KIF22: variants seen among roughly 807,000 people sequenced by gnomAD.
The protein encoded by KIF22 is kinesin-like protein KIF22.
A neutral mutation model predicts 73.0 loss-of-function variants in KIF22; 62 were observed. That is an observed-to-expected ratio of 0.85 (90% confidence interval 0.69 to 1.05). The LOEUF (loss-of-function observed/expected upper bound fraction) is 1.05. Ranked by LOEUF, KIF22 falls within the 50% of genes least tolerant of loss-of-function variation. The pLI is 0.00. For missense variants in KIF22, 854 were observed against 870.1 expected (o/e 0.98, Z 0.23); for synonymous variants, 411 against 340.1 (o/e 1.21, Z -2.29).
rs1898980638 is a variant in KIF22, at chr16:29,797,439, G to A, written c.266+351G>A. Reference sequence around the variant, plus strand: ...CCCAAGCTGCAGCTGGGTAGTGTCAGAGAAGACCACCCAGATTTGGGGACA... The same window carrying A: ...CCCAAGCTGCAGCTGGGTAGTGTCAAAGAAGACCACCCAGATTTGGGGACA... On this transcript the variant is annotated intron_variant, in intron 2 of 13. Coordinates refer to ENST00000160827, the MANE Select transcript of KIF22 (RefSeq NM_007317.3). The surrounding 1 kb of genome is among the most constrained non-coding windows in gnomAD (Gnocchi z 4.1). Among the ~76,000 whole-genome samples the A allele has an allele frequency of 6.7e-6, 1 of 149,928 alleles. No individual in the cohort carries two copies. The highest frequency in any genetic ancestry group is 6.6e-5 in the Admixed American group (1 of 15,226).
chr16:29,803,957 T>C, intron 10 of KIF22, 41 bp from the exon 11 acceptor site: 1 of 1,508,226 alleles, frequency 6.6e-7, no homozygotes, highest in Non-Finnish European at 9.2e-7. Flanking sequence ...GGGTGAAAAG[T>C]ACCCTTTGCC....
chr16:29,804,035 C>G lies in KIF22; in HGVS notation c.1647C>G (p.His549Gln), dbSNP rs142414573. ...EQAASPNAEI[H>Q]ILKNKGRKRK... ...CAGCATCCCCAAATGCCGAGATCCACATCCTGAAGAATAAAGGCCGGAAGA... is the reference window on the plus strand; with the variant it reads ...CAGCATCCCCAAATGCCGAGATCCAGATCCTGAAGAATAAAGGCCGGAAGA... Residue 549 changes from histidine (H) to glutamine (Q), a missense_variant, in exon 11 of 14, where the codon CAC (histidine) becomes CAG (glutamine). Transcript: ENST00000160827. 40 of 1,613,946 alleles carry G rather than the reference C, an allele frequency of 2.5e-5. No homozygotes were observed. The highest frequency in any genetic ancestry group is 3.4e-5 in the Non-Finnish European group (40 of 1,179,862).
Position 29,802,823 on chromosome 16 carries a change from C to G in KIF22, c.1335C>G (p.Ser445Arg). ...CGGCCATGCTGGAGCGCCTCCTCAG[C>G]TTGGACCGTCTGCTTGCCTCCCAGG... ...MDPAMLERLL[S>R]LDRLLASQGS... Residue 445 changes from serine to arginine, a missense_variant, in exon 9 of 14, where the codon AGC becomes AGG. Physicochemically the swap from Ser to Arg is moderately radical, Grantham distance 110. Around this residue, in one of 3 missense-constraint regions of KIF22, gnomAD observed 423 missense variants for 365.4 expected, o/e 1.16. Transcript: ENST00000160827. The G allele has an allele frequency of 6.2e-7, 1 of 1,610,816 alleles. No individual in the cohort carries two copies. Among genetic ancestry groups the G allele is most frequent in the Non-Finnish European group, 8.5e-7 (1 of 1,178,858 alleles).
chr16:29,801,118 C>A (rs1899121675), intron 8 of KIF22, among the ~76,000 whole-genome samples: 1 of 152,132 alleles, frequency 6.6e-6, no homozygotes. Context: ...CAGCTGCTGT[C>A]CTAACTGCGT....
At chr16:29,805,060 C>CGGGGGA in intron 12 of KIF22, 34 bp downstream of exon 12, 1 of 848,296 alleles carries the variant, frequency 1.2e-6, no homozygotes, top group Non-Finnish European at 1.8e-6. Flanking sequence ...AGGGCGGGGG[C>CGGGGGA]GGGGGAGACC....
Position 29,797,016 on chromosome 16 carries a change from G to C in KIF22, c.194G>C (p.Cys65Ser). 2 of 1,613,842 alleles carry C rather than the reference G, an allele frequency of 1.2e-6. No homozygotes were observed. The highest frequency in any genetic ancestry group is 1.7e-4 in the Middle Eastern group (1 of 6,060). Residue 65 changes from cysteine (C) to serine (S), a missense_variant, in exon 2 of 14, where the codon TGT becomes TCT. Coordinates refer to ENST00000160827, the MANE Select transcript of KIF22 (RefSeq NM_007317.3). The surrounding 1 kb of genome is among the most constrained non-coding windows in gnomAD (Gnocchi z 4.1). ...ACAGCGGGAGCAAGTGATCCCCCCT[G>C]TGTGCGGGGCATGGACAGCTGCTCT... is the stretch of plus-strand genomic sequence containing the variant. Reference protein sequence around the residue: ...DGTAGASDPPCVRGMDSCSLE... With the variant: ...DGTAGASDPPSVRGMDSCSLE...
intron 1 of KIF22, among the ~76,000 whole-genome samples, chr16:29,794,106 ATTAC>A (rs1386245896): frequency 6.6e-6 from 1 of 152,204 alleles, no homozygotes; most frequent in African/African-American, 2.4e-5. Context: ...TATGTACATT[ATTAC>A]TTTGAATCCT....
Position 29,803,433 on chromosome 16 carries a change from T to C in KIF22, c.1450-16T>C, listed in dbSNP as rs199923707. ...GAGTTGGGTCTGGATCACATCTCCC[T>C]GATCCTTTCCAACAGAGGCTTAAGA... On this transcript the variant is annotated splice_polypyrimidine_tract_variant and intron_variant, in intron 9 of 13. Coordinates refer to ENST00000160827, the MANE Select transcript of KIF22 (RefSeq NM_007317.3). 1,439 of 1,613,712 alleles carry C rather than the reference T, an allele frequency of 8.9e-4. 4 individuals carry two copies. The highest frequency in any genetic ancestry group is 1.2e-3 in the Non-Finnish European group (1,371 of 1,179,860).
intron 1 of KIF22, among the ~76,000 whole-genome samples, chr16:29,796,629 C>T (rs1029763082): frequency 2.0e-5 from 3 of 151,816 alleles, no homozygotes; most frequent in African/African-American, 7.3e-5. Context: ...CCCAGGGAGA[C>T]GGAGACCAAA....
rs1899048583 is a variant in KIF22, at chr16:29,799,368, C to G, written c.864C>G (p.Gly288=). ...ACAACCGGCGCACAGGCAACAAGGGCCTTCGGCTAAAAGAGAGTGGAGCCA... is the reference window on the plus strand; with the variant it reads ...ACAACCGGCGCACAGGCAACAAGGGGCTTCGGCTAAAAGAGAGTGGAGCCA... ...SEDNRRTGNK[G]LRLKESGAIN... is the part of the protein sequence containing the mutation. The change falls in exon 6 of 14, where the codon GGC becomes GGG. Residue 288 remains glycine (G), a synonymous_variant. Transcript: ENST00000160827. The G allele has an allele frequency of 6.2e-7, 1 of 1,614,230 alleles. No individual in the cohort carries two copies. Among genetic ancestry groups the G allele is most frequent in the Non-Finnish European group, 8.5e-7 (1 of 1,180,050 alleles).
rs184220425 is a variant in KIF22 at position 29,793,040 on chromosome 16, G to A, written c.70+2211G>A. ...TGAACTGATGTGGGAGGTAAGAGAC[G>A]TTGGAGTTAAAGACTCCCACTTTTG... On this transcript the variant is annotated intron_variant, in intron 1 of 13. Coordinates refer to ENST00000160827, the MANE Select transcript of KIF22 (RefSeq NM_007317.3). 5.0e-3 allele frequency among the ~76,000 whole-genome samples: 765 copies of A among 152,328 alleles called. 5 individuals carry two copies. The highest frequency in any genetic ancestry group is 7.4e-3 in the Non-Finnish European group (501 of 68,032).
At position 29,803,309 on chromosome 16, in the gene KIF22, C is replaced by T. The variant is rs956647277; in HGVS notation, c.1450-140C>T. 3.2e-6 allele frequency: 3 copies of T among 944,302 alleles called. No homozygotes were observed. In the African/African-American group the frequency reaches 5.0e-5, roughly 16 times the overall value. The allele number at this position is 944,302 out of a possible 1,614,324, so 58.5% of individuals were successfully genotyped here. A position where few individuals can be genotyped will look rare whatever the true frequency, so the allele number is the denominator to read the frequency against. On this transcript the variant is annotated intron_variant, in intron 9 of 13. Transcript: ENST00000160827. ...AGCCCTTAATTATGTTAGGCTCCACCTGTCTCCTGGTAACCTCCCACTGGT... is the reference window on the plus strand; with the variant it reads ...AGCCCTTAATTATGTTAGGCTCCACTTGTCTCCTGGTAACCTCCCACTGGT...
At position 29,804,845 on chromosome 16, in the gene KIF22, A is replaced by G; in HGVS notation, c.1709A>G (p.Glu570Gly). The G allele has an allele frequency of 4.3e-6, 7 of 1,612,972 alleles. No homozygotes were observed. Among genetic ancestry groups the G allele is most frequent in the Non-Finnish European group, 5.9e-6 (7 of 1,179,628 alleles). The stretch of plus-strand genomic sequence containing the variant: ...TCCCTGGATGCCCTAGAGCCTGAGG[A>G]GAAGGCTGAGGACTGCTGGGAGCTA... ...LESLDALEPE[E>G]KAEDCWELQI... is the part of the protein sequence containing the mutation. Residue 570 changes from glutamate (E) to glycine (G), a missense_variant, in exon 12 of 14, where the codon GAG (glutamate) becomes GGG (glycine). Coordinates refer to ENST00000160827, the MANE Select transcript of KIF22 (RefSeq NM_007317.3).
chr16:29,803,661 G>A (rs1360284339), intron 10 of KIF22, 53 bp downstream of exon 10: 3 of 1,437,396 alleles, frequency 2.1e-6, no homozygotes, highest in Non-Finnish European at 2.9e-6. Flanking sequence ...TCCTATAAGG[G>A]AGGAAGTGTT....
At chr16:29,804,215 T>G (rs1307197289) in intron 11 of KIF22, 150 bp downstream of exon 11, 20 of 676,024 alleles carry the variant, frequency 3.0e-5, no homozygotes, top group Non-Finnish European at 4.6e-5. Context: ...CCCTGGAATG[T>G]GGTGATGGAT....
chr16:29,803,054 C>T lies in KIF22; in HGVS notation c.1449+117C>T, dbSNP rs561685861. 6.5e-5 allele frequency: 65 copies of T among 1,002,468 alleles called. 1 individual carries two copies. Among genetic ancestry groups the T allele is most frequent in the Admixed American group, 3.2e-4 (12 of 37,412 alleles). The allele number at this position is 1,002,468 out of a possible 1,614,324, so 62.1% of individuals were successfully genotyped here. A position where few individuals can be genotyped will look rare whatever the true frequency, so the allele number is the denominator to read the frequency against. On this transcript the variant is annotated intron_variant, in intron 9 of 13. Coordinates refer to ENST00000160827, the MANE Select transcript of KIF22 (RefSeq NM_007317.3). ...CTAGAGTCCAGTTTTCTCCCAATACCGGAAGTTCTCCAGCTTCTGCTTGAA... is the reference window on the plus strand; with the variant it reads ...CTAGAGTCCAGTTTTCTCCCAATACTGGAAGTTCTCCAGCTTCTGCTTGAA...
At chr16:29,796,164 G>C (rs892525484) in intron 1 of KIF22, among the ~76,000 whole-genome samples, 2 of 151,128 alleles carry the variant, frequency 1.3e-5, no homozygotes, top group Non-Finnish European at 2.9e-5. Context: ...CCAGCTACTC[G>C]AGAGGCTGAG....
rs753205824 is a variant in KIF22 at position 29,802,896 on chromosome 16, G to A, written c.1408G>A (p.Val470Met). The A allele has an allele frequency of 1.2e-5, 20 of 1,612,628 alleles. No homozygotes were observed. Among genetic ancestry groups the A allele is most frequent in the Non-Finnish European group, 1.6e-5 (19 of 1,179,564 alleles). The change falls in exon 9 of 14, where the codon GTG (valine) becomes ATG (methionine). Residue 470 changes from valine (V) to methionine (M), a missense_variant. Transcript: ENST00000160827. Reference sequence around the variant, plus strand: ...GAGTACCCCAAAGCGAGAGCGGATGGTGCTAATGAAGACAGTGGAAGAGAA... The same window carrying A: ...GAGTACCCCAAAGCGAGAGCGGATGATGCTAATGAAGACAGTGGAAGAGAA... Reference protein sequence around the residue: ...LLSTPKRERMVLMKTVEEKDL... With the variant: ...LLSTPKRERMMLMKTVEEKDL...
rs752878228 is a variant in KIF22, at chr16:29,805,011, C to A, written c.1875C>A (p.His625Gln). 1 of 1,603,782 alleles carries A rather than the reference C, an allele frequency of 6.2e-7. No individual in the cohort carries two copies. The part of the protein sequence containing the change: ...AQLIVGWREL[H>Q]GPFSQVEDLE... ...TAATCGTGGGCTGGCGGGAGCTCCA[C>A]GGCCCCTTCAGCCAGGTAGCAGCCC... The change falls in exon 12 of 14, where the codon CAC becomes CAA. Residue 625 changes from histidine to glutamine, a missense_variant. Coordinates refer to ENST00000160827, the MANE Select transcript of KIF22 (RefSeq NM_007317.3).
Sources: allele counts gnomAD v4.1 joint callset (sites outside exome capture counted in the v4.1 genomes callset), GRCh38; gene constraint gnomAD v4.1.1; regional missense constraint gnomAD v4.1.1; non-coding constraint Gnocchi (gnomAD v3.1); transcripts MANE v1.5; gene names NCBI Gene and HGNC (gene_info 2026-07-23, HGNC 2026-07-21).